The following PDE3A variants were observed in gnomAD, a reference collection of about 807,000 sequenced individuals.
The protein encoded by PDE3A is cGMP-inhibited 3',5'-cyclic phosphodiesterase 3A.
PDE3A carries 43 observed loss-of-function variants against 98.3 expected under a neutral mutation model. That is an observed-to-expected ratio of 0.44 (90% confidence interval 0.34 to 0.56). The LOEUF (loss-of-function observed/expected upper bound fraction) is 0.56, where lower values mean the gene tolerates loss of function less well. Among genes scored for constraint, PDE3A ranks in the 20% least tolerant of loss-of-function variants. The pLI, the probability that PDE3A is intolerant of heterozygous loss-of-function variation, is 0.01. For missense variants in PDE3A, 1,427 were observed against 1,440.7 expected (o/e 0.99, Z 0.15); for synonymous variants, 663 against 567.9 (o/e 1.17, Z -2.38).
At chr12:20,395,921 G>C (rs1255175316) in intron 1 of PDE3A, among the ~76,000 whole-genome samples, 2 of 151,602 alleles carry the variant, frequency 1.3e-5, no homozygotes, top group African/African-American at 4.8e-5. Context: ...ACAGGATATT[G>C]CTGTGTCACT....
chr12:20,461,611 T>C lies in PDE3A; in HGVS notation c.960+91367T>C, dbSNP rs932169182. Among the ~76,000 whole-genome samples, 3 of 152,188 alleles carry C rather than the reference T, an allele frequency of 2.0e-5. No homozygotes were observed. In the East Asian group the frequency reaches 5.8e-4, roughly 29 times the overall value. On this transcript the variant is annotated intron_variant, in intron 1 of 15. Transcript: ENST00000359062. ...ATCTAGAAAAATTAGATAAACATAA[T>C]CATTCATCTACTTCTTTCTCTAGGT...
chr12:20,375,957 C>T (rs752311278), intron 1 of PDE3A, among the ~76,000 whole-genome samples: 20 of 151,902 alleles, frequency 1.3e-4, no homozygotes, highest in Non-Finnish European at 1.3e-4. Flanking sequence ...AGGTCCTCAA[C>T]ACATAGATGG....
intron 1 of PDE3A, among the ~76,000 whole-genome samples, chr12:20,434,689 G>A (rs920793148): frequency 3.3e-5 from 5 of 152,126 alleles, no homozygotes; most frequent in Non-Finnish European, 5.9e-5. Flanking sequence ...AATGCTGACT[G>A]AGCTAAGATC....
rs1457834728 is a variant in PDE3A, at chr12:20,688,158, A to T, written c.*7887A>T. Among the ~76,000 whole-genome samples, 1 of 151,992 alleles carries T rather than the reference A, an allele frequency of 6.6e-6. No individual in the cohort carries two copies. ...GACAGACCTGAATATGTTTACTAATAACTTTGCCAAATTTTTCAACTTCTA... is the reference window on the plus strand; with the variant it reads ...GACAGACCTGAATATGTTTACTAATTACTTTGCCAAATTTTTCAACTTCTA... On this transcript the variant is annotated 3_prime_UTR_variant, in exon 16 of 16. Transcript: ENST00000359062.
chr12:20,401,612 G>A (rs1255150419), intron 1 of PDE3A, among the ~76,000 whole-genome samples: 1 of 152,084 alleles, frequency 6.6e-6, no homozygotes, highest in Non-Finnish European at 1.5e-5. Context: ...TCTCCAACCA[G>A]CTTAGGTTGA....
intron 1 of PDE3A, among the ~76,000 whole-genome samples, chr12:20,516,306 C>T (rs910221289): frequency 6.6e-6 from 1 of 151,950 alleles, no homozygotes; most frequent in South Asian, 2.1e-4. Context: ...ATTACTGAGC[C>T]GTTGATGAAT....
intron 15 of PDE3A, among the ~76,000 whole-genome samples, chr12:20,661,090 T>C (rs953040217): frequency 2.0e-5 from 3 of 152,150 alleles, no homozygotes; most frequent in Admixed American, 6.5e-5. Flanking sequence ...TGGTCTCAGA[T>C]GGAGATGAGG....
chr12:20,454,667 C>T (rs1453136053), intron 1 of PDE3A, among the ~76,000 whole-genome samples: 1 of 152,156 alleles, frequency 6.6e-6, no homozygotes, highest in East Asian at 1.9e-4. Flanking sequence ...TGTCATTCCC[C>T]TCTATGTGTC....
At chr12:20,427,285 C>T (rs930690871) in intron 1 of PDE3A, among the ~76,000 whole-genome samples, 1 of 152,094 alleles carries the variant, frequency 6.6e-6, no homozygotes, top group Admixed American at 6.5e-5. Context: ...TGAAATGTTG[C>T]GTGCTTTTGA....
At chr12:20,669,681 A>C (rs1461438603) in intron 15 of PDE3A, among the ~76,000 whole-genome samples, 2 of 152,110 alleles carry the variant, frequency 1.3e-5, no homozygotes, top group Non-Finnish European at 2.9e-5. Context: ...GCCTGCCCTA[A>C]AAGAGCTCCT....
intron 1 of PDE3A, among the ~76,000 whole-genome samples, chr12:20,540,484 A>G (rs879647586): frequency 2.0e-5 from 3 of 152,048 alleles, no homozygotes; most frequent in Non-Finnish European, 2.9e-5. Context: ...TATCTTGGGC[A>G]TATGGGGCAC....
In PDE3A at chr12:20,453,077, G is replaced by A. The variant is rs144659327; in HGVS notation, c.960+82833G>A. 2.7e-3 allele frequency among the ~76,000 whole-genome samples: 415 copies of A among 151,984 alleles called. 3 individuals carry two copies. The highest frequency in any genetic ancestry group is 8.9e-3 in the African/African-American group (367 of 41,434). ...CTGCCTACACCACTGTTTTGAATCT[G>A]TAGGTGCAAGGGATTTAAAAGCCAA... On this transcript the variant is annotated intron_variant, in intron 1 of 15. Coordinates refer to ENST00000359062, the MANE Select transcript of PDE3A (RefSeq NM_000921.5).
chr12:20,530,378 C>T (rs1196721965), intron 1 of PDE3A, among the ~76,000 whole-genome samples: 3 of 151,974 alleles, frequency 2.0e-5, no homozygotes, highest in Non-Finnish European at 2.9e-5. Flanking sequence ...AAATAAGACT[C>T]AGAGTATACA....
At chr12:20,556,581 A>G in intron 1 of PDE3A, 79 bp from the exon 2 acceptor site, 2 of 913,572 alleles carry the variant, frequency 2.2e-6, no homozygotes, top group Non-Finnish European at 3.6e-6. Context: ...GAACAACCTG[A>G]TTATTCTTTA....
intron 9 of PDE3A, among the ~76,000 whole-genome samples, chr12:20,638,561 G>T (rs2121513471): frequency 6.6e-6 from 1 of 152,192 alleles, no homozygotes; most frequent in South Asian, 2.1e-4. Flanking sequence ...AAGGGTAGCT[G>T]TTCAGTCCAA....
At chr12:20,463,168 C>A (rs1945283438) in intron 1 of PDE3A, among the ~76,000 whole-genome samples, 1 of 152,080 alleles carries the variant, frequency 6.6e-6, no homozygotes, top group Admixed American at 6.5e-5. Context: ...GTAGCTATTG[C>A]CACCAATGAG....
chr12:20,380,283 T>G (rs1943640556), intron 1 of PDE3A, among the ~76,000 whole-genome samples: 1 of 151,904 alleles, frequency 6.6e-6, no homozygotes, highest in African/African-American at 2.4e-5. Context: ...GAAATTGACT[T>G]TTTAAAAATG....
intron 2 of PDE3A, among the ~76,000 whole-genome samples, chr12:20,589,675 T>C (rs923613629): frequency 6.6e-6 from 1 of 151,758 alleles, no homozygotes; most frequent in Non-Finnish European, 1.5e-5. Context: ...GAGACCATCC[T>C]GGCTAACACG....
Position 20,400,379 on chromosome 12 carries a change from G to GTT in PDE3A, c.960+30179_960+30180dup, listed in dbSNP as rs75851941. Among the ~76,000 whole-genome samples, 69 of 110,204 alleles carry GTT rather than the reference G, an allele frequency of 6.3e-4. 2 individuals carry two copies. Among genetic ancestry groups the GTT allele is most frequent in the African/African-American group, 8.3e-4 (20 of 24,092 alleles). 72.3% of individuals were successfully genotyped at this position (110,204 alleles called of 152,430 possible). A position where few individuals can be genotyped will look rare whatever the true frequency, so the allele number is the denominator to read the frequency against. ...AGCTCATGTTGACTCGTTAACATTGGTTTTTTTTTTTTTTTTTTTTTTTTT... is the reference window on the plus strand; with the variant it reads ...AGCTCATGTTGACTCGTTAACATTGGTTTTTTTTTTTTTTTTTTTTTTTTTTT... On this transcript the variant is annotated intron_variant, in intron 1 of 15. Transcript: ENST00000359062.
Sources: gnomAD v4.1 joint callset for allele counts (sites outside exome capture counted in the v4.1 genomes callset) on GRCh38, gnomAD v4.1.1 for gene constraint, MANE v1.5 for transcripts, NCBI Gene and HGNC (gene_info 2026-07-23, HGNC 2026-07-21) for gene names.